CCDC3: variants seen among roughly 807,000 people sequenced by gnomAD.
CCDC3 encodes the protein coiled-coil domain containing 3.
In CCDC3, 24 loss-of-function variants were observed where a neutral mutation model predicts 21.4. The observed-to-expected ratio is 1.12, with a 90% confidence interval of 0.81 to 1.58. CCDC3 has a LOEUF of 1.58. Among genes scored for constraint, CCDC3 ranks in the 40% most tolerant of loss-of-function variants. The pLI is 0.00. For synonymous variants in CCDC3, 186 were observed against 166.0 expected (o/e 1.12, Z -0.93); for missense variants, 425 against 360.9 (o/e 1.18, Z -1.44).
chr10:12,924,558 G>A (rs1159385335), intron 2 of CCDC3: 1 of 152,236 alleles, frequency 6.6e-6, no homozygotes, highest in African/African-American at 2.4e-5. Context: ...ATCTCTACGA[G>A]AGGCCCAAGG....
At chr10:12,974,183 T>C (rs1469203376) in intron 2 of CCDC3, among the ~76,000 whole-genome samples, 1 of 152,218 alleles carries the variant, frequency 6.6e-6, no homozygotes, top group African/African-American at 2.4e-5. Flanking sequence ...ATTTGCTGGA[T>C]AGGAAAAGCC....
intron 4 of CCDC3, among the ~76,000 whole-genome samples, chr10:13,050,208 T>C (rs1286621730): frequency 6.6e-6 from 1 of 152,208 alleles, no homozygotes; most frequent in East Asian, 1.9e-4. Context: ...GGGGCAGGGC[T>C]GGTCCATTTG....
intron 3 of CCDC3, among the ~76,000 whole-genome samples, chr10:13,076,438 G>C (rs907049857): frequency 6.6e-6 from 1 of 152,226 alleles, no homozygotes; most frequent in Non-Finnish European, 1.5e-5. Context: ...TTACTAAACA[G>C]ACCCAGACGT....
At chr10:13,078,015 T>C (rs186664594) in intron 3 of CCDC3, among the ~76,000 whole-genome samples, 2,665 of 152,300 alleles carry the variant, frequency 0.017, 67 homozygotes, top group African/African-American at 0.06. Flanking sequence ...AAATGGGATC[T>C]AATTAAACTA....
chr10:13,040,361 TTATC>T (rs1327591515), intron 5 of CCDC3, among the ~76,000 whole-genome samples: 1 of 152,152 alleles, frequency 6.6e-6, no homozygotes, highest in Non-Finnish European at 1.5e-5. Context: ...GAAGTGAGCC[TTATC>T]TATCAGTGGA....
chr10:12,970,577 A>G (rs987769166), intron 2 of CCDC3, among the ~76,000 whole-genome samples: 2 of 152,180 alleles, frequency 1.3e-5, no homozygotes, highest in African/African-American at 2.4e-5. Context: ...ACTTAATTAA[A>G]TAAATTAAAA....
intron 5 of CCDC3, among the ~76,000 whole-genome samples, chr10:13,027,190 G>C (rs992071925): frequency 6.6e-6 from 1 of 152,164 alleles, no homozygotes; most frequent in Non-Finnish European, 1.5e-5. Context: ...GGTGAGCTTA[G>C]GTGAGGGTCA....
At chr10:13,055,142 C>G (rs1198189686) in intron 4 of CCDC3, among the ~76,000 whole-genome samples, 2 of 152,186 alleles carry the variant, frequency 1.3e-5, no homozygotes, top group African/African-American at 4.8e-5. Flanking sequence ...CCTTTGGCCT[C>G]TGGGTTCTCT....
intron 4 of CCDC3, among the ~76,000 whole-genome samples, chr10:13,056,646 A>T (rs566430919): frequency 6.6e-6 from 1 of 152,320 alleles, no homozygotes; most frequent in Admixed American, 6.5e-5. Context: ...AGACTTGGAC[A>T]CAGTGCCATC....
chr10:13,032,692 C>T (rs1309788696), intron 5 of CCDC3, among the ~76,000 whole-genome samples: 5 of 152,078 alleles, frequency 3.3e-5, no homozygotes, highest in Non-Finnish European at 1.5e-5. Flanking sequence ...TCCTATACAC[C>T]AATAACAGAC....
rs1836787883 is a variant in CCDC3, at chr10:13,063,584, T to C, written c.-270+10284A>G. Among the ~76,000 whole-genome samples, 3 of 152,318 alleles carry C rather than the reference T, an allele frequency of 2.0e-5. No individual in the cohort carries two copies. In the South Asian group the frequency reaches 6.2e-4, roughly 32 times the overall value. On this transcript the variant is annotated intron_variant, in intron 4 of 6. Coordinates refer to the CCDC3 transcript ENST00000378839. The stretch of plus-strand genomic sequence containing the variant: ...AAAACTAAGGCACATCAAGGTTCAG[T>C]ACCTTCAAAGCCACGTAAATAGTAA...
chr10:12,927,653 G>A (rs1393704121), intron 2 of CCDC3, among the ~76,000 whole-genome samples: 2 of 152,058 alleles, frequency 1.3e-5, no homozygotes, highest in Non-Finnish European at 2.9e-5. Flanking sequence ...AAAATAAAAA[G>A]CAATAATGTA....
chr10:12,998,405 G>A lies in CCDC3; in HGVS notation c.482C>T (p.Ser161Leu). ...RRMFSSLFQF[S>L]NCSQGQQLAT... ...CAGCTGCTGCCCTTGCGAACAGTTT[G>A]AAAACTGGAAAAGGCTAGAAAACAT... The change falls in exon 2 of 3, where the codon TCA (serine) becomes TTA (leucine). Residue 161 changes from serine (S) to leucine (L), a missense_variant. Coordinates refer to ENST00000378825, the MANE Select transcript of CCDC3 (RefSeq NM_031455.4). The A allele has an allele frequency of 6.2e-7, 1 of 1,614,182 alleles. No homozygotes were observed. Among genetic ancestry groups the A allele is most frequent in the South Asian group, 1.1e-5 (1 of 91,078 alleles).
intron 2 of CCDC3, among the ~76,000 whole-genome samples, chr10:12,921,883 C>T (rs889684221): frequency 2.0e-5 from 3 of 152,182 alleles, no homozygotes; most frequent in Non-Finnish European, 4.4e-5. Flanking sequence ...GATAGGACTA[C>T]AGGTGTGGGC....
intron 5 of CCDC3, among the ~76,000 whole-genome samples, chr10:13,038,165 A>G (rs796628987): frequency 3.7e-4 from 56 of 152,256 alleles, no homozygotes; most frequent in African/African-American, 1.3e-3. Context: ...ATGAGACCAC[A>G]TGGACACATG....
intron 2 of CCDC3, among the ~76,000 whole-genome samples, chr10:12,913,283 G>A (rs866106277): frequency 1.2e-4 from 18 of 152,310 alleles, no homozygotes; most frequent in Middle Eastern, 6.8e-3. Context: ...AGTTTTCAGT[G>A]TACAGTGGTT....
chr10:13,094,404 G>A (rs1832609396), intron 3 of CCDC3, among the ~76,000 whole-genome samples: 1 of 152,006 alleles, frequency 6.6e-6, no homozygotes. Flanking sequence ...CTATAGGCGT[G>A]TGCCACCATG....
intron 2 of CCDC3, among the ~76,000 whole-genome samples, chr10:12,916,063 C>A (rs1172314050): frequency 3.3e-5 from 5 of 152,000 alleles, no homozygotes; most frequent in Non-Finnish European, 4.4e-5. Flanking sequence ...TGGGACAGGC[C>A]TAAACCCCTG....
intron 3 of CCDC3, among the ~76,000 whole-genome samples, chr10:13,075,149 C>T (rs962714082): frequency 1.3e-5 from 2 of 152,236 alleles, no homozygotes; most frequent in Non-Finnish European, 2.9e-5. Context: ...CAAATCATCT[C>T]TCCAACTTCT....
Sources: allele counts gnomAD v4.1 joint callset (sites outside exome capture counted in the v4.1 genomes callset), GRCh38; gene constraint gnomAD v4.1.1; transcripts MANE v1.5; gene names NCBI Gene and HGNC (gene_info 2026-07-23, HGNC 2026-07-21).